RSBN1L: variants seen among roughly 807,000 people sequenced by gnomAD.
RSBN1L encodes the protein lysine-specific demethylase RSBN1L.
In RSBN1L, 30 loss-of-function variants were observed where a neutral mutation model predicts 67.7. The ratio of observed to expected loss-of-function variants is 0.44; its 90% CI spans 0.33 to 0.60. The LOEUF is 0.60. Ranked by LOEUF, RSBN1L falls within the 20% of genes least tolerant of loss-of-function variation. RSBN1L has a pLI of 0.02. For synonymous variants in RSBN1L, 433 were observed against 387.0 expected, an observed-to-expected ratio of 1.12 and a Z score of -1.39; for missense variants, 992 against 1,031.7, an observed-to-expected ratio of 0.96 and a Z score of 0.53.
Position 77,736,534 on chromosome 7 carries a change from T to G in RSBN1L, c.703+8T>G. The G allele has an allele frequency of 7.8e-7, 1 of 1,288,012 alleles. No homozygotes were observed. Among genetic ancestry groups the G allele is most frequent in the Middle Eastern group, 2.0e-4 (1 of 5,124 alleles). 79.8% of individuals were successfully genotyped at this position (1,288,012 alleles called of 1,614,324 possible). A position where few individuals can be genotyped will look rare whatever the true frequency, so the allele number is the denominator to read the frequency against. On this transcript the variant is annotated splice_region_variant and intron_variant, in intron 2 of 7. Transcript: ENST00000334955. Reference sequence around the variant, plus strand: ...TAAAGATTTTGCTGAAAAGTAAGTTTTATTCAGTGATTTTAGTTCTACTTT... The same window carrying G: ...TAAAGATTTTGCTGAAAAGTAAGTTGTATTCAGTGATTTTAGTTCTACTTT...
chr7:77,771,354 T>C (rs1048137988), intron 5 of RSBN1L, among the ~76,000 whole-genome samples: 10 of 152,188 alleles, frequency 6.6e-5, no homozygotes, highest in African/African-American at 2.4e-4. Context: ...GAGTAAACTC[T>C]GGGTTGCATG....
intron 1 of RSBN1L, among the ~76,000 whole-genome samples, chr7:77,698,328 C>T (rs934041392): frequency 6.6e-6 from 1 of 152,172 alleles, no homozygotes; most frequent in Non-Finnish European, 1.5e-5. Context: ...TACTTTTAGT[C>T]AGGAATTCCA....
intron 1 of RSBN1L, among the ~76,000 whole-genome samples, chr7:77,700,914 C>T (rs1790806888): frequency 1.3e-5 from 2 of 151,884 alleles, no homozygotes; most frequent in Non-Finnish European, 2.9e-5. Flanking sequence ...CCCAGCACTT[C>T]GGGAGGCTGA....
chr7:77,735,474 A>G (rs534433508), intron 1 of RSBN1L, among the ~76,000 whole-genome samples: 15 of 152,314 alleles, frequency 9.8e-5, no homozygotes, highest in African/African-American at 3.6e-4. Context: ...GACAGTGCTT[A>G]TATAGACAGT....
intron 2 of RSBN1L, among the ~76,000 whole-genome samples, chr7:77,743,621 T>G (rs532623227): frequency 3.4e-4 from 52 of 152,314 alleles, no homozygotes; most frequent in African/African-American, 1.3e-3. Context: ...CCTGGTAATA[T>G]TTTCTGATTT....
At chr7:77,710,394 C>T (rs1033218251) in intron 1 of RSBN1L, among the ~76,000 whole-genome samples, 6 of 152,100 alleles carry the variant, frequency 3.9e-5, no homozygotes, top group African/African-American at 1.4e-4. Flanking sequence ...TCAGGTTCTC[C>T]TCAGTGCTCC....
chr7:77,750,296 G>GTTTTTTTTTTTTTTTTTTTTTTTTTT (rs36054297), intron 3 of RSBN1L, among the ~76,000 whole-genome samples: 1 of 57,452 alleles, frequency 1.7e-5, no homozygotes, highest in Admixed American at 2.8e-4. Context: ...AAGATTCTGT[G>GTTTTTTTTTTTTTTTTTTTTTTTTTT]TTTTTTTTTT....
chr7:77,763,157 T>A (rs1791717985), intron 3 of RSBN1L, among the ~76,000 whole-genome samples: 1 of 87,072 alleles, frequency 1.1e-5, no homozygotes. Context: ...GACTTTTTTT[T>A]TTTTTTTTTT....
At chr7:77,709,198 A>ATATGTATG (rs1790936404) in intron 1 of RSBN1L, among the ~76,000 whole-genome samples, 1 of 63,644 alleles carries the variant, frequency 1.6e-5, no homozygotes, top group African/African-American at 4.7e-5. Flanking sequence ...GTGTGTGTGT[A>ATATGTATG]TGTATGTGTA....
chr7:77,729,967 T>C (rs1791253452), intron 1 of RSBN1L, among the ~76,000 whole-genome samples: 1 of 152,168 alleles, frequency 6.6e-6, no homozygotes, highest in Admixed American at 6.5e-5. Context: ...AAAACAATTA[T>C]TTTAATGAGT....
At chr7:77,778,506 A>G (rs934768697) in intron 7 of RSBN1L, 24 bp from the exon 8 acceptor site, 5 of 1,596,970 alleles carry the variant, frequency 3.1e-6, no homozygotes, top group African/African-American at 1.4e-5. Flanking sequence ...AGTTATTTGT[A>G]TTTCTTGTTT....
intron 3 of RSBN1L, among the ~76,000 whole-genome samples, chr7:77,753,549 C>G (rs1791580785): frequency 2.0e-5 from 3 of 152,148 alleles, no homozygotes; most frequent in African/African-American, 7.2e-5. Flanking sequence ...TATTTCCTCT[C>G]ACTTGGTGTC....
At chr7:77,776,250 T>TTC (rs3084594) in intron 6 of RSBN1L, among the ~76,000 whole-genome samples, 86,590 of 151,864 alleles carry the variant, frequency 0.57, 26,575 homozygotes, top group African/African-American at 0.81. Context: ...TTTTGCTCTA[T>TTC]TTTTGTGACA....
chr7:77,696,899 C>T lies in RSBN1L; in HGVS notation c.430C>T (p.Leu144=). 3.1e-6 allele frequency: 5 copies of T among 1,605,754 alleles called. No homozygotes were observed. Among genetic ancestry groups the T allele is most frequent in the African/African-American group, 1.3e-5 (1 of 75,054 alleles). ...LLHAQPHHLL[L]PAAAAAASAN... ...GCACGCTCAGCCTCACCATCTCCTC[C>T]TGCCCGCCGCCGCCGCCGCTGCCTC... The change falls in exon 1 of 8, where the codon CTG becomes TTG. Residue 144 remains leucine (L), a synonymous_variant. Coordinates refer to ENST00000334955, the MANE Select transcript of RSBN1L (RefSeq NM_198467.3).
In RSBN1L at chr7:77,779,055, A is replaced by G; in HGVS notation, c.2428A>G (p.Asn810Asp). 6.2e-7 allele frequency: 1 copy of G among 1,613,992 alleles called. No individual in the cohort carries two copies. The highest frequency in any genetic ancestry group is 1.1e-5 in the South Asian group (1 of 91,084). ...CATGGATTCTAAATTTGAAAATAGC[A>G]ACAAAGATTTAAAGGAAGAATTGTG... The part of the protein sequence containing the change: ...IDMDSKFENS[N>D]KDLKEELCPG... Residue 810 changes from asparagine to aspartate, a missense_variant, in exon 8 of 8, where the codon AAC becomes GAC. Coordinates refer to ENST00000334955, the MANE Select transcript of RSBN1L (RefSeq NM_198467.3).
At chr7:77,712,878 G>A (rs959676673) in intron 1 of RSBN1L, among the ~76,000 whole-genome samples, 1 of 152,078 alleles carries the variant, frequency 6.6e-6, no homozygotes, top group African/African-American at 2.4e-5. Flanking sequence ...TTGAATTATA[G>A]GGGGTAAGGG....
intron 3 of RSBN1L, among the ~76,000 whole-genome samples, chr7:77,755,534 T>C (rs1187058069): frequency 6.6e-6 from 1 of 151,798 alleles, no homozygotes; most frequent in Non-Finnish European, 1.5e-5. Flanking sequence ...GGCATGGTGG[T>C]GGGCACCTGT....
chr7:77,758,569 C>A (rs908293003), intron 3 of RSBN1L, among the ~76,000 whole-genome samples: 1 of 152,104 alleles, frequency 6.6e-6, no homozygotes, highest in Non-Finnish European at 1.5e-5. Flanking sequence ...GCAGTGAAAT[C>A]GTAGGCTTTA....
intron 1 of RSBN1L, among the ~76,000 whole-genome samples, chr7:77,725,196 T>G (rs1048829715): frequency 6.9e-6 from 1 of 144,716 alleles, no homozygotes; most frequent in Non-Finnish European, 1.5e-5. Flanking sequence ...GTAAATGAAA[T>G]AAAAACCAGA....
Sources: allele counts gnomAD v4.1 joint callset (sites outside exome capture counted in the v4.1 genomes callset), GRCh38; gene constraint gnomAD v4.1.1; transcripts MANE v1.5; gene names NCBI Gene and HGNC (gene_info 2026-07-23, HGNC 2026-07-21).